The following COL5A1 variants were observed in gnomAD, a reference collection of about 807,000 sequenced individuals.
The protein encoded by COL5A1 is collagen type V alpha 1 chain.
In COL5A1, 16 loss-of-function variants were observed where a neutral mutation model predicts 263.7. That is an observed-to-expected ratio of 0.06 (90% confidence interval 0.04 to 0.09). COL5A1 has a LOEUF of 0.09. Among genes scored for constraint, COL5A1 ranks in the 10% least tolerant of loss-of-function variants. COL5A1 has a pLI of 1.00. For synonymous variants in COL5A1, 1,012 were observed against 1,004.5 expected (o/e 1.01, Z -0.14); for missense variants, 2,036 against 2,540.5 (o/e 0.80, Z 4.27).
At chr9:134,793,025 C>T (rs1235869046) in intron 32 of COL5A1, among the ~76,000 whole-genome samples, 1 of 152,088 alleles carries the variant, frequency 6.6e-6, no homozygotes, top group African/African-American at 2.4e-5. Flanking sequence ...GTTCTGTGGA[C>T]CTTGACTATG....
At chr9:134,694,425 T>A (rs564861720) in intron 2 of COL5A1, among the ~76,000 whole-genome samples, 141 of 152,312 alleles carry the variant, frequency 9.3e-4, no homozygotes, top group Non-Finnish European at 1.7e-3. Context: ...CAGCCATGAA[T>A]AGAACAGATG....
chr9:134,685,055 ACCATCCAT>A (rs1554779095), intron 1 of COL5A1, among the ~76,000 whole-genome samples: 2 of 29,876 alleles, frequency 6.7e-5, no homozygotes, highest in Non-Finnish European at 1.3e-4. Context: ...CCATCCATCC[ACCATCCAT>A]CCATCCATCC....
rs1830145190 is a variant in COL5A1 at position 134,842,847 on chromosome 9, T to C, written c.*544T>C. 1 of 170,614 alleles carries C rather than the reference T, an allele frequency of 5.9e-6. No individual in the cohort carries two copies. The highest frequency in any genetic ancestry group is 5.7e-5 in the Admixed American group (1 of 17,612). The allele number at this position is 170,614 out of a possible 1,614,324, so 10.6% of individuals were successfully genotyped here. On this transcript the variant is annotated 3_prime_UTR_variant, in exon 66 of 66. Coordinates refer to ENST00000371817, the MANE Select transcript of COL5A1 (RefSeq NM_000093.5). This position sits in a 1 kb window ranked among gnomAD's most constrained non-coding sequence, Gnocchi z 5.8. Reference sequence around the variant, plus strand: ...TGTCATTCTGCAGGTGCCTTCCCGATGGATTAAAGGTGCTTATGTTTTTGT... The same window carrying C: ...TGTCATTCTGCAGGTGCCTTCCCGACGGATTAAAGGTGCTTATGTTTTTGT...
chr9:134,727,885 C>T (rs912933401), intron 5 of COL5A1, among the ~76,000 whole-genome samples: 2 of 152,204 alleles, frequency 1.3e-5, no homozygotes, highest in Non-Finnish European at 2.9e-5. Context: ...TGGGACCCGC[C>T]ATGTCCATGG....
rs781663334 is a variant in COL5A1 at position 134,758,281 on chromosome 9, C to T, written c.1920C>T (p.Gly640=). 42 of 1,613,736 alleles carry T rather than the reference C, an allele frequency of 2.6e-5. No homozygotes were observed. The highest frequency in any genetic ancestry group is 1.6e-4 in the Middle Eastern group (1 of 6,084). Residue 640 remains glycine, a synonymous_variant, in exon 18 of 66, where the codon GGC becomes GGT. Transcript: ENST00000371817. This position sits in a 1 kb window ranked among gnomAD's most constrained non-coding sequence, Gnocchi z 4.1. ...TCGACGGCCTGGCTGGGTTGCCAGGCGAGAAGGGCCACAGGGTGAGTATTT... is the reference window on the plus strand; with the variant it reads ...TCGACGGCCTGGCTGGGTTGCCAGGTGAGAAGGGCCACAGGGTGAGTATTT... The part of the protein sequence containing the change: ...RGFDGLAGLP[G]EKGHRGDPGP...
intron 1 of COL5A1, among the ~76,000 whole-genome samples, chr9:134,657,814 C>T (rs1290350518): frequency 6.6e-6 from 1 of 151,808 alleles, no homozygotes; most frequent in Non-Finnish European, 1.5e-5. Flanking sequence ...ACTCTGATGT[C>T]TTCTGGGGAG....
At position 134,641,889 on chromosome 9, in the gene COL5A1, A is replaced by C; in HGVS notation, c.-299A>C. ...AGCGGGTCGCGGGGCGGCGGCGGCG[A>C]GGAGGAGGCGAGAAGGAGTTGGAGG... On this transcript the variant is annotated 5_prime_UTR_variant, in exon 1 of 66. Transcript: ENST00000371817. The C allele has an allele frequency of 1.9e-5, 7 of 369,988 alleles. No individual in the cohort carries two copies. The highest frequency in any genetic ancestry group is 3.9e-5 in the East Asian group (1 of 25,542). 22.9% of individuals were successfully genotyped at this position (369,988 alleles called of 1,614,324 possible).
At chr9:134,802,843 C>A in intron 38 of COL5A1, 45 bp from the exon 39 acceptor site, 1 of 1,400,946 alleles carries the variant, frequency 7.1e-7, no homozygotes, top group Non-Finnish European at 1.0e-6. Flanking sequence ...CACTCCCTTG[C>A]AAGTCACTCG....
chr9:134,730,195 C>T (rs1401209426), intron 6 of COL5A1, 41 bp from the exon 7 acceptor site: 3 of 1,609,038 alleles, frequency 1.9e-6, no homozygotes, highest in Non-Finnish European at 1.7e-6. Context: ...CCACTGCCGG[C>T]CTCCGCCCTG....
chr9:134,816,285 G>A (rs1321486518), intron 52 of COL5A1, among the ~76,000 whole-genome samples: 1 of 152,234 alleles, frequency 6.6e-6, no homozygotes, highest in African/African-American at 2.4e-5. Flanking sequence ...GGGAACGTCA[G>A]ATCTTACCCA....
chr9:134,680,184 G>T lies in COL5A1; in HGVS notation c.110-10728G>T, dbSNP rs1050007756. Among the ~76,000 whole-genome samples the T allele has an allele frequency of 1.3e-5, 2 of 152,202 alleles. No homozygotes were observed. The highest frequency in any genetic ancestry group is 2.9e-5 in the Non-Finnish European group (2 of 68,030). On this transcript the variant is annotated intron_variant, in intron 1 of 65. Coordinates refer to ENST00000371817, the MANE Select transcript of COL5A1 (RefSeq NM_000093.5). The surrounding 1 kb of genome is among the most constrained non-coding windows in gnomAD (Gnocchi z 5.9). ...GATGAGCTGGGAGCCATGAACAAGC[G>T]CAGTGCCTCTGGGTACCTCAGAGCC... is the stretch of plus-strand genomic sequence containing the variant.
At chr9:134,748,569 A>T (rs1354427842) in intron 11 of COL5A1, among the ~76,000 whole-genome samples, 1 of 152,242 alleles carries the variant, frequency 6.6e-6, no homozygotes, top group East Asian at 1.9e-4. Context: ...TCAATGACAA[A>T]ACCTGGGCGG....
chr9:134,699,863 T>G, intron 2 of COL5A1, 46 bp from the exon 3 acceptor site: 1 of 1,588,346 alleles, frequency 6.3e-7, no homozygotes, highest in Non-Finnish European at 8.6e-7. Context: ...TGGGTGTGGT[T>G]GCAGGGGCTC....
Position 134,701,219 on chromosome 9 carries a change from C to A in COL5A1, c.540C>A (p.Ile180=), listed in dbSNP as rs374994926. 3.1e-6 allele frequency: 5 copies of A among 1,613,884 alleles called. No individual in the cohort carries two copies. Among genetic ancestry groups the A allele is most frequent in the Non-Finnish European group, 4.2e-6 (5 of 1,180,038 alleles). Residue 180 remains isoleucine (I), a synonymous_variant, in exon 4 of 66, where the codon ATC becomes ATA. Transcript: ENST00000371817. ...LSVHKKNVTL[I]LDCKKKTTKF... The stretch of plus-strand genomic sequence containing the variant: ...TCCACAAGAAAAATGTCACCTTGAT[C>A]CTCGACTGTAAAAAGAAGACCACCA...
rs114246214 is a variant in COL5A1, at chr9:134,681,425, C to T, written c.110-9487C>T. On this transcript the variant is annotated intron_variant, in intron 1 of 65. Transcript: ENST00000371817. This position sits in a 1 kb window ranked among gnomAD's most constrained non-coding sequence, Gnocchi z 4.3. ...CCCTGCCCTCCTGCAGTTCACAGCCCGTGGAGGAGACACACGCTGCCCATG... is the reference window on the plus strand; with the variant it reads ...CCCTGCCCTCCTGCAGTTCACAGCCTGTGGAGGAGACACACGCTGCCCATG... Among the ~76,000 whole-genome samples, 249 of 152,342 alleles carry T rather than the reference C, an allele frequency of 1.6e-3. No homozygotes were observed. The highest frequency in any genetic ancestry group is 5.7e-3 in the African/African-American group (237 of 41,576).
chr9:134,842,371 C>A lies in COL5A1; in HGVS notation c.*68C>A. On this transcript the variant is annotated 3_prime_UTR_variant, in exon 66 of 66. Coordinates refer to ENST00000371817, the MANE Select transcript of COL5A1 (RefSeq NM_000093.5). This position sits in a 1 kb window ranked among gnomAD's most constrained non-coding sequence, Gnocchi z 5.8. ...AGCATGCCATTCGTTCGTGAGTGTC[C>A]CGTGCACGTCCTGACCCTGGACAGT... The A allele has an allele frequency of 6.3e-7, 1 of 1,578,468 alleles. No individual in the cohort carries two copies. The highest frequency in any genetic ancestry group is 8.7e-7 in the Non-Finnish European group (1 of 1,155,646).
intron 61 of COL5A1, among the ~76,000 whole-genome samples, chr9:134,823,852 G>A (rs1839132097): frequency 7.3e-6 from 1 of 136,906 alleles, no homozygotes; most frequent in African/African-American, 2.5e-5. Context: ...TACATGGTTT[G>A]TATGTGCATG....
At chr9:134,733,224 CTGTA>C (rs1184277720) in intron 9 of COL5A1, among the ~76,000 whole-genome samples, 1 of 152,202 alleles carries the variant, frequency 6.6e-6, no homozygotes, top group African/African-American at 2.4e-5. Context: ...CGCCACCCTA[CTGTA>C]GAGCTGGGGA....
chr9:134,821,615 A>G lies in COL5A1; in HGVS notation c.4555-482A>G, dbSNP rs1839003696. Among the ~76,000 whole-genome samples the G allele has an allele frequency of 6.6e-6, 1 of 152,180 alleles. No homozygotes were observed. Among genetic ancestry groups the G allele is most frequent in the African/African-American group, 2.4e-5 (1 of 41,434 alleles). On this transcript the variant is annotated intron_variant, in intron 58 of 65. Coordinates refer to ENST00000371817, the MANE Select transcript of COL5A1 (RefSeq NM_000093.5). This position sits in a 1 kb window ranked among gnomAD's most constrained non-coding sequence, Gnocchi z 4.2. ...GTCTGAGCGGAGGTTCCACGCTCCA[A>G]GGATGCAGAAAGCACATTTACAGGC...
Sources: gnomAD v4.1 joint callset for allele counts (sites outside exome capture counted in the v4.1 genomes callset) on GRCh38, gnomAD v4.1.1 for gene constraint, Gnocchi (gnomAD v3.1) non-coding constraint, MANE v1.5 for transcripts, NCBI Gene and HGNC (gene_info 2026-07-23, HGNC 2026-07-21) for gene names.